SALL2: variants seen among roughly 807,000 people sequenced by gnomAD.
SALL2 encodes the protein sal-like protein 2.
A neutral mutation model predicts 58.5 loss-of-function variants in SALL2; 32 were observed. The observed-to-expected ratio is 0.55, with a 90% confidence interval of 0.41 to 0.74. SALL2 has a LOEUF of 0.74. Ranked by LOEUF, SALL2 falls within the 30% of genes least tolerant of loss-of-function variation. The pLI is 0.00. For synonymous variants in SALL2, 516 were observed against 513.6 expected (o/e 1.00, Z -0.06); for missense variants, 1,201 against 1,268.9 (o/e 0.95, Z 0.81).
Position 21,524,649 on chromosome 14 carries a change from C to G in SALL2, c.1073G>C (p.Gly358Ala), listed in dbSNP as rs1335272730. The change falls in exon 2 of 2, where the codon GGA (glycine) becomes GCA (alanine). Residue 358 changes from glycine to alanine, a missense_variant. Coordinates refer to ENST00000537235, the MANE Select transcript of SALL2 (RefSeq NM_001364564.1). ...PKNGSGELSY[G>A]EVMGPLEKPG... ...CTTCTCCAAGGGACCCATCACTTCT[C>G]CGTAGCTCAGCTCACCACTTCCATT... 1 of 1,614,156 alleles carries G rather than the reference C, an allele frequency of 6.2e-7. No individual in the cohort carries two copies. The highest frequency in any genetic ancestry group is 8.5e-7 in the Non-Finnish European group (1 of 1,180,042).
In SALL2 at chr14:21,524,607, T is replaced by G. The variant is rs752690095; in HGVS notation, c.1115A>C (p.Lys372Thr). Residue 372 changes from lysine (K) to threonine (T), a missense_variant, in exon 2 of 2, where the codon AAA becomes ACA. By Grantham distance (78) the Lys-to-Thr change is moderately conservative. Coordinates refer to ENST00000537235, the MANE Select transcript of SALL2 (RefSeq NM_001364564.1). ...AAATACTTTGGCACAGAAGCGGCAT[T>G]TGTGCCTTCCACCAGGCTTCTCCAA... ...GPLEKPGGRH[K>T]CRFCAKVFGS... is the part of the protein sequence containing the mutation. 2 of 1,614,204 alleles carry G rather than the reference T, an allele frequency of 1.2e-6. No homozygotes were observed. The highest frequency in any genetic ancestry group is 1.7e-6 in the Non-Finnish European group (2 of 1,180,032).
upstream of SALL2, among the ~76,000 whole-genome samples, chr14:21,530,040 A>G (rs1211462326): frequency 6.6e-6 from 1 of 152,164 alleles, no homozygotes; most frequent in Non-Finnish European, 1.5e-5. Context: ...GGACACAGAC[A>G]AAATGAACTC....
intron 1 of SALL2, among the ~76,000 whole-genome samples, chr14:21,535,146 G>C (rs533160094): frequency 2.2e-3 from 330 of 152,090 alleles, no homozygotes; most frequent in Middle Eastern, 3.4e-3. Context: ...GAGATCCAGA[G>C]CATCCTGGCT....
intron 1 of SALL2, among the ~76,000 whole-genome samples, chr14:21,535,764 C>T (rs2139686682): frequency 6.6e-6 from 1 of 152,324 alleles, no homozygotes; most frequent in South Asian, 2.1e-4. Context: ...GTATGCTAAA[C>T]AGTTGCCTGT....
At position 21,524,291 on chromosome 14, in the gene SALL2, G is replaced by C; in HGVS notation, c.1431C>G (p.Ala477=). 3 of 1,613,894 alleles carry C rather than the reference G, an allele frequency of 1.9e-6. No homozygotes were observed. Among genetic ancestry groups the C allele is most frequent in the South Asian group, 2.2e-5 (2 of 91,048 alleles). ...GGGVERKPLV[A]STTALSATES... is the part of the protein sequence containing the mutation. ...CTGTGGCACTGAGTGCTGTTGTGGA[G>C]GCCACCAGAGGCTTGCGCTCAACCC... Residue 477 remains alanine (A), a synonymous_variant, in exon 2 of 2, where the codon GCC becomes GCG. Coordinates refer to ENST00000537235, the MANE Select transcript of SALL2 (RefSeq NM_001364564.1).
rs1252071131 is a variant in SALL2 at position 21,522,869 on chromosome 14, A to T, written c.2853T>A (p.Ala951=). Residue 951 remains alanine, a synonymous_variant, in exon 2 of 2, where the codon GCT becomes GCA. Transcript: ENST00000537235. ...VFCRQGFLER[A]TLKKHMLLAH... Reference sequence around the variant, plus strand: ...CCAGGAGCATATGCTTCTTGAGGGTAGCCCGCTCAAGAAAGCCCTGCCTGC... The same window carrying T: ...CCAGGAGCATATGCTTCTTGAGGGTTGCCCGCTCAAGAAAGCCCTGCCTGC... 1.9e-6 allele frequency: 3 copies of T among 1,610,984 alleles called. No homozygotes were observed. The highest frequency in any genetic ancestry group is 2.5e-6 in the Non-Finnish European group (3 of 1,178,402).
At position 21,523,825 on chromosome 14, in the gene SALL2, TG is replaced by T; in HGVS notation, c.1896del (p.Ile633SerfsTer143). The T allele has an allele frequency of 1.9e-6, 3 of 1,614,198 alleles. No individual in the cohort carries two copies. Among genetic ancestry groups the T allele is most frequent in the Non-Finnish European group, 2.5e-6 (3 of 1,180,042 alleles). Reference protein sequence around the residue: ...SSASSGPNQCVICLRVLSCPR... With the variant: ...SSASSGPNQCXICLRVLSCPR... The stretch of plus-strand genomic sequence containing the variant: ...GGACAGCTAAGCACTCGGAGACAGA[TG>T]ACACACTGGTTAGGTCCAGAAGAGG... On this transcript the variant is annotated frameshift_variant, in exon 2 of 2. Coordinates refer to ENST00000537235, the MANE Select transcript of SALL2 (RefSeq NM_001364564.1). LOFTEE classifies it high-confidence loss of function. This position sits in a 1 kb window ranked among gnomAD's most constrained non-coding sequence, Gnocchi z 4.4.
At chr14:21,526,547 C>G (rs546140955), upstream of SALL2, 1,200 of 1,113,350 alleles carry the variant, frequency 1.1e-3, no homozygotes, top group Non-Finnish European at 1.3e-3. Context: ...CCAGCTCCCC[C>G]CATCTGCAGA....
rs1346556390 is a variant in SALL2 at position 21,522,375 on chromosome 14, T to G, written c.*329A>C. The G allele has an allele frequency of 3.5e-6, 5 of 1,432,652 alleles. No individual in the cohort carries two copies. The highest frequency in any genetic ancestry group is 2.5e-4 in the Middle Eastern group (1 of 3,984). 88.7% of individuals were successfully genotyped at this position (1,432,652 alleles called of 1,614,324 possible). A position where few individuals can be genotyped will look rare whatever the true frequency, so the allele number is the denominator to read the frequency against. On this transcript the variant is annotated 3_prime_UTR_variant, in exon 2 of 2. Coordinates refer to ENST00000537235, the MANE Select transcript of SALL2 (RefSeq NM_001364564.1). Reference sequence around the variant, plus strand: ...GCAATGCCAAATGTAGGTGCTCAGGTGCACCTACCAAAGGGAAAGGGAGAG... The same window carrying G: ...GCAATGCCAAATGTAGGTGCTCAGGGGCACCTACCAAAGGGAAAGGGAGAG...
intron 1 of SALL2, among the ~76,000 whole-genome samples, chr14:21,532,896 G>C (rs763194693): frequency 2.2e-4 from 34 of 152,128 alleles, no homozygotes; most frequent in Middle Eastern, 3.4e-3. Context: ...CCGGGAGGCG[G>C]AGCTCGCAGT....
In SALL2 at chr14:21,525,678, A is replaced by C; in HGVS notation, c.68-24T>G. The C allele has an allele frequency of 1.3e-6, 2 of 1,542,856 alleles. No homozygotes were observed. Among genetic ancestry groups the C allele is most frequent in the Non-Finnish European group, 8.7e-7 (1 of 1,143,514 alleles). On this transcript the variant is annotated intron_variant, in intron 1 of 1. Coordinates refer to ENST00000537235, the MANE Select transcript of SALL2 (RefSeq NM_001364564.1). The surrounding 1 kb of genome is among the most constrained non-coding windows in gnomAD (Gnocchi z 4.4). ...ACCTGGGGAGAAGACAAGGAGAGAG[A>C]GCGTGGGTGGCGCAGTTGGGTTGGG...
rs199561145 is a variant in SALL2, at chr14:21,532,133, T to A, written c.-114+4829A>T. On this transcript the variant is annotated intron_variant, in intron 1 of 1. Coordinates refer to the SALL2 transcript ENST00000541965. ...TGTAAACATTATGCTTTCAGACAAA[T>A]TTGACTTTAATTGAGAAAAAAAGAG... Among the ~76,000 whole-genome samples, 20 of 152,240 alleles carry A rather than the reference T, an allele frequency of 1.3e-4. No individual in the cohort carries two copies. The East Asian group carries it at 2.5e-3, about 19-fold the overall frequency.
In SALL2 at chr14:21,524,412, T is replaced by G; in HGVS notation, c.1310A>C (p.Glu437Ala). ...GCTGGTAATGACATAGTCTAGGTGC[T>G]CTGGTACTGGGTGTGGGTTCATCTG... ...HVQMNPHPVP[E>A]HLDYVITSSG... Residue 437 changes from glutamate (E) to alanine (A), a missense_variant, in exon 2 of 2, where the codon GAG becomes GCG. By Grantham distance (107) the Glu-to-Ala change is moderately radical. Transcript: ENST00000537235. 1 of 1,614,200 alleles carries G rather than the reference T, an allele frequency of 6.2e-7. No homozygotes were observed.
upstream of SALL2, among the ~76,000 whole-genome samples, chr14:21,530,320 T>C (rs1230507649): frequency 1.5e-5 from 2 of 136,902 alleles, no homozygotes; most frequent in Non-Finnish European, 3.1e-5. Flanking sequence ...GGAGTTTTGC[T>C]CTCATTGCCC....
chr14:21,524,347 C>A lies in SALL2; in HGVS notation c.1375G>T (p.Ala459Ser). 6.2e-7 allele frequency: 1 copy of A among 1,614,084 alleles called. No homozygotes were observed. Among genetic ancestry groups the A allele is most frequent in the East Asian group, 2.2e-5 (1 of 44,862 alleles). ...CCTGGAGTGGCTGCCTCCTCCTCGG[C>A]CTTCTCTGGTGGCACGGACATACCA... The part of the protein sequence containing the change: ...PYGMSVPPEK[A>S]EEEAATPGGG... The change falls in exon 2 of 2, where the codon GCC (alanine) becomes TCC (serine). Residue 459 changes from alanine (A) to serine (S), a missense_variant. Ala to Ser is a moderately conservative substitution (Grantham distance 99, BLOSUM62 1). This residue lies in a region of SALL2 where 675 missense variants were observed against 683.8 expected (regional missense o/e 0.99). Transcript: ENST00000537235.
In SALL2 at chr14:21,523,448, C is replaced by G. The variant is rs1354534129; in HGVS notation, c.2274G>C (p.Glu758Asp). The G allele has an allele frequency of 6.2e-7, 1 of 1,614,136 alleles. No individual in the cohort carries two copies. Among genetic ancestry groups the G allele is most frequent in the African/African-American group, 1.3e-5 (1 of 75,042 alleles). ...QQQSQQPSPE[E>D]ELSEEEEEED... Reference sequence around the variant, plus strand: ...CCTCTTCCTCCTCCTCAGACAACTCCTCTTCCGGTGATGGCTGCTGGGACT... The same window carrying G: ...CCTCTTCCTCCTCCTCAGACAACTCGTCTTCCGGTGATGGCTGCTGGGACT... Residue 758 changes from glutamate to aspartate, a missense_variant, in exon 2 of 2, where the codon GAG becomes GAC. By Grantham distance (45) the Glu-to-Asp change is conservative. Coordinates refer to ENST00000537235, the MANE Select transcript of SALL2 (RefSeq NM_001364564.1). The surrounding 1 kb of genome is among the most constrained non-coding windows in gnomAD (Gnocchi z 4.4).
chr14:21,527,119 C>T (rs775909444), upstream of SALL2, among the ~76,000 whole-genome samples: 71 of 152,336 alleles, frequency 4.7e-4, no homozygotes, highest in Non-Finnish European at 9.7e-4. Context: ...ACATTCCTCA[C>T]ACCGTCACTA....
At position 21,525,513 on chromosome 14, in the gene SALL2, G is replaced by C. The variant is rs747115048; in HGVS notation, c.209C>G (p.Pro70Arg). 1.2e-6 allele frequency: 2 copies of C among 1,613,810 alleles called. No individual in the cohort carries two copies. Among genetic ancestry groups the C allele is most frequent in the East Asian group, 4.5e-5 (2 of 44,880 alleles). ...TTCAGAGGAGGCCGAAGAGTTGTTG[G>C]GGTTCTCCTGGCCCCCAATTATCAC... is the stretch of plus-strand genomic sequence containing the variant. The part of the protein sequence containing the change: ...VMVIIGGQEN[P>R]NNSSASSEPR... Residue 70 changes from proline (P) to arginine (R), a missense_variant, in exon 2 of 2, where the codon CCC becomes CGC. Pro to Arg is a moderately radical substitution (Grantham distance 103). Transcript: ENST00000537235. The surrounding 1 kb of genome is among the most constrained non-coding windows in gnomAD (Gnocchi z 4.4).
At chr14:21,526,964 G>T (rs1054045385), upstream of SALL2, among the ~76,000 whole-genome samples, 1 of 150,400 alleles carries the variant, frequency 6.6e-6, no homozygotes, top group African/African-American at 2.5e-5. Flanking sequence ...TTCACTCCCC[G>T]CCCCTCCTCC....
Sources: gnomAD v4.1 joint callset for allele counts (sites outside exome capture counted in the v4.1 genomes callset) on GRCh38, gnomAD v4.1.1 for gene constraint, gnomAD v4.1.1 regional missense constraint, Gnocchi (gnomAD v3.1) non-coding constraint, MANE v1.5 for transcripts, NCBI Gene and HGNC (gene_info 2026-07-23, HGNC 2026-07-21) for gene names.